The following GPRIN1 variants were observed in gnomAD, a reference collection of about 807,000 sequenced individuals.
GPRIN1 encodes G protein-regulated inducer of neurite outgrowth 1.
GPRIN1 carries 4 observed loss-of-function variants against 2.8 expected under a neutral mutation model. The ratio of observed to expected loss-of-function variants is 1.45; its 90% confidence interval spans 0.71 to 3.32. The LOEUF (loss-of-function observed/expected upper bound fraction) is 3.32, where lower values mean the gene tolerates loss of function less well. Ranked by LOEUF, GPRIN1 falls within the 30% of genes most tolerant of loss-of-function variation. GPRIN1 has a pLI of 0.01. For missense variants in GPRIN1, 1,322 were observed against 1,343.4 expected (o/e 0.98, Z 0.25); for synonymous variants, 589 against 589.9 (o/e 1.00, Z 0.02).
intron 1 of GPRIN1, among the ~76,000 whole-genome samples, chr5:176,603,794 G>C (rs1287030633): frequency 6.6e-6 from 1 of 152,220 alleles, no homozygotes; most frequent in Non-Finnish European, 1.5e-5. Flanking sequence ...TCAGATTTGA[G>C]TGGCGTGAAT....
At chr5:176,607,901 CTCTTTTTTTTTTTTTTT>C (rs1349169941) in intron 1 of GPRIN1, among the ~76,000 whole-genome samples, 2 of 95,906 alleles carry the variant, frequency 2.1e-5, no homozygotes, top group African/African-American at 7.5e-5. Flanking sequence ...TGACACTTGG[CTCTTTTTTTTTTTTTTT>C]TTTTTTTTTT....
rs375819814 is a variant in GPRIN1 at position 176,596,832 on chromosome 5, C to A, written c.3003G>T (p.Ser1001=). ...ATCACTCGGCCGTGGGTCCCGCCCG[C>A]GAGCAGCACCGCGGCCGGCGCACAC... is the stretch of plus-strand genomic sequence containing the variant. ...LQSVRRPRCC[S]RAGPTAE is the part of the protein sequence containing the mutation. Residue 1001 remains serine, a synonymous_variant, in exon 2 of 2, where the codon TCG becomes TCT. Transcript: ENST00000303991. This position sits in a 1 kb window ranked among gnomAD's most constrained non-coding sequence, Gnocchi z 5.2. 1.0e-4 allele frequency: 148 copies of A among 1,410,258 alleles called. No homozygotes were observed. The highest frequency in any genetic ancestry group is 1.3e-4 in the Non-Finnish European group (141 of 1,079,576). The allele number at this position is 1,410,258 out of a possible 1,614,324, so 87.4% of individuals were successfully genotyped here. A position where few individuals can be genotyped will look rare whatever the true frequency, so the allele number is the denominator to read the frequency against.
chr5:176,607,347 T>C (rs953269076), intron 1 of GPRIN1, among the ~76,000 whole-genome samples: 4 of 152,166 alleles, frequency 2.6e-5, no homozygotes, highest in Non-Finnish European at 4.4e-5. Context: ...GCACGCTCAC[T>C]GTCTTTCTTT....
chr5:176,598,575 A>G lies in GPRIN1; in HGVS notation c.1260T>C (p.Ser420=). The change falls in exon 2 of 2, where the codon TCT becomes TCC. Residue 420 remains serine (S), a synonymous_variant. Transcript: ENST00000303991. ...AGCACATGGGGTCCATCTTTCCCAG[A>G]GAAACTGGATCCACCTTGCCTGAAG... is the stretch of plus-strand genomic sequence containing the variant. ...PMSSGKVDPV[S]LGKMDPMCSG... is the part of the protein sequence containing the mutation. 1 of 1,614,100 alleles carries G rather than the reference A, an allele frequency of 6.2e-7. No homozygotes were observed. The highest frequency in any genetic ancestry group is 8.5e-7 in the Non-Finnish European group (1 of 1,180,030).
rs778986810 is a variant in GPRIN1, at chr5:176,597,839, C to G, written c.1996G>C (p.Ala666Pro). 51 of 1,612,838 alleles carry G rather than the reference C, an allele frequency of 3.2e-5. No individual in the cohort carries two copies. Among genetic ancestry groups the G allele is most frequent in the Non-Finnish European group, 4.3e-5 (51 of 1,179,596 alleles). The change falls in exon 2 of 2, where the codon GCC (alanine) becomes CCC (proline). Residue 666 changes from alanine to proline, a missense_variant. Ala to Pro is a conservative substitution (Grantham distance 27). Transcript: ENST00000303991. This position sits in a 1 kb window ranked among gnomAD's most constrained non-coding sequence, Gnocchi z 6.1. ...AVCLKKETPQASEKVDPGSCR... is the reference protein window; with the variant it reads ...AVCLKKETPQPSEKVDPGSCR... ...GATCCAGGATCCACCTTCTCTGAGG[C>G]CTGTGGTGTCTCCTTTTTCAAACAC...
At position 176,596,608 on chromosome 5, in the gene GPRIN1, G is replaced by A. The variant is rs969943572; in HGVS notation, c.*200C>T. ...CAGGGCTGGCCGGGTTCGTGGCCTC[G>A]TGGCCACGAGGGAGCTTGGTAGAAG... On this transcript the variant is annotated 3_prime_UTR_variant, in exon 2 of 2. Coordinates refer to ENST00000303991, the MANE Select transcript of GPRIN1 (RefSeq NM_052899.3). The surrounding 1 kb of genome is among the most constrained non-coding windows in gnomAD (Gnocchi z 5.2). The A allele has an allele frequency of 1.2e-5, 4 of 341,708 alleles. No homozygotes were observed. Among genetic ancestry groups the A allele is most frequent in the Middle Eastern group, 1.6e-3 (2 of 1,252 alleles). 21.2% of individuals were successfully genotyped at this position (341,708 alleles called of 1,614,324 possible). A position where few individuals can be genotyped will look rare whatever the true frequency, so the allele number is the denominator to read the frequency against.
rs1324365565 is a variant in GPRIN1, at chr5:176,598,349, C to T, written c.1486G>A (p.Asp496Asn). Reference sequence around the variant, plus strand: ...CCTGCTGTCCCCAAGGACCTGGGATCGCCTGGACCTGAAGACACAGGGTTT... The same window carrying T: ...CCTGCTGTCCCCAAGGACCTGGGATTGCCTGGACCTGAAGACACAGGGTTT... ...KTNPVSSGPG[D>N]PRSLGTAGPP... Residue 496 changes from aspartate to asparagine, a missense_variant, in exon 2 of 2, where the codon GAT (aspartate) becomes AAT (asparagine). This residue lies in a region of GPRIN1 where 1,117 missense variants were observed against 1,128.6 expected (regional missense o/e 0.99). Transcript: ENST00000303991. 4.3e-6 allele frequency: 7 copies of T among 1,613,574 alleles called. No homozygotes were observed. The highest frequency in any genetic ancestry group is 1.1e-5 in the South Asian group (1 of 91,064).
At position 176,597,179 on chromosome 5, in the gene GPRIN1, AGGCG is replaced by A; in HGVS notation, c.2652_2655del (p.Ala885SerfsTer16). ...CCGGGCCGCACCCGCACTTCGGGGAAGGCGGGCGGCGCGGCGGCTTGAGGTGTCA... is the reference window on the plus strand; with the variant it reads ...CCGGGCCGCACCCGCACTTCGGGGAAGGCGGCGCGGCGGCTTGAGGTGTCA... On this transcript the variant is annotated frameshift_variant, in exon 2 of 2. Transcript: ENST00000303991. LOFTEE classifies it low-confidence loss of function (END_TRUNC). This position sits in a 1 kb window ranked among gnomAD's most constrained non-coding sequence, Gnocchi z 6.1. The A allele has an allele frequency of 7.4e-7, 1 of 1,345,158 alleles. No homozygotes were observed. Among genetic ancestry groups the A allele is most frequent in the East Asian group, 2.9e-5 (1 of 34,976 alleles). The allele number at this position is 1,345,158 out of a possible 1,614,324, so 83.3% of individuals were successfully genotyped here. A position where few individuals can be genotyped will look rare whatever the true frequency, so the allele number is the denominator to read the frequency against.
chr5:176,597,216 A>T lies in GPRIN1; in HGVS notation c.2619T>A (p.Thr873=), dbSNP rs754653113. ...CGGCGGCTTGAGGTGTCATGGGCCC[A>T]GTGGCCACGGAGCGCGTCTCGGCGG... ...LGAAETRSVA[T]GPMTPQAAAP... The change falls in exon 2 of 2, where the codon ACT becomes ACA. Residue 873 remains threonine (T), a synonymous_variant. Transcript: ENST00000303991. This position sits in a 1 kb window ranked among gnomAD's most constrained non-coding sequence, Gnocchi z 6.1. The T allele has an allele frequency of 5.5e-6, 7 of 1,273,718 alleles. No individual in the cohort carries two copies. The Admixed American group carries it at 2.8e-4, about 51-fold the overall frequency. 78.9% of individuals were successfully genotyped at this position (1,273,718 alleles called of 1,614,324 possible).
At chr5:176,606,253 G>A (rs1759218863) in intron 1 of GPRIN1, among the ~76,000 whole-genome samples, 1 of 152,176 alleles carries the variant, frequency 6.6e-6, no homozygotes, top group Admixed American at 6.5e-5. Flanking sequence ...GCTGGGCTGT[G>A]TCTGTGGAAG....
Position 176,607,903 on chromosome 5 carries a change from C to CTTTTTTTT in GPRIN1, c.-44+2088_-44+2095dup, listed in dbSNP as rs35368228. 3.4e-4 allele frequency among the ~76,000 whole-genome samples: 23 copies of CTTTTTTTT among 67,378 alleles called. 6 individuals carry two copies. The highest frequency in any genetic ancestry group is 4.4e-4 in the Non-Finnish European group (17 of 38,278). The allele number at this position is 67,378 out of a possible 152,430, so 44.2% of individuals were successfully genotyped here. A position where few individuals can be genotyped will look rare whatever the true frequency, so the allele number is the denominator to read the frequency against. The stretch of plus-strand genomic sequence containing the variant: ...AGATCGTGGACACTGACACTTGGCT[C>CTTTTTTTT]TTTTTTTTTTTTTTTTTTTTTTTTT... On this transcript the variant is annotated intron_variant, in intron 1 of 1. Coordinates refer to ENST00000303991, the MANE Select transcript of GPRIN1 (RefSeq NM_052899.3).
Position 176,598,190 on chromosome 5 carries a change from C to G in GPRIN1, c.1645G>C (p.Gly549Arg). ...CCCTTGCTCACAGGGTCCTCCTTGC[C>G]CACCGCGAGGGGCTCGGCCTTCCCT... ...ASGKAEPLAV[G>R]KEDPVSKGKA... is the part of the protein sequence containing the mutation. The change falls in exon 2 of 2, where the codon GGC becomes CGC. Residue 549 changes from glycine to arginine, a missense_variant. Transcript: ENST00000303991. 2 of 1,612,570 alleles carry G rather than the reference C, an allele frequency of 1.2e-6. No homozygotes were observed. The highest frequency in any genetic ancestry group is 1.7e-6 in the Non-Finnish European group (2 of 1,179,982).
rs755865937 is a variant in GPRIN1 at position 176,599,330 on chromosome 5, C to T, written c.505G>A (p.Glu169Lys). Residue 169 changes from glutamate to lysine, a missense_variant, in exon 2 of 2, where the codon GAG (glutamate) becomes AAG (lysine). Physicochemically the swap from Glu to Lys is moderately conservative, Grantham distance 56 (BLOSUM62 1). Coordinates refer to ENST00000303991, the MANE Select transcript of GPRIN1 (RefSeq NM_052899.3). ...GCCTTCCGTGAGGACCCAGGATCCTCCTTTCCTATGGAAGTGGAATCGGCC... is the reference window on the plus strand; with the variant it reads ...GCCTTCCGTGAGGACCCAGGATCCTTCTTTCCTATGGAAGTGGAATCGGCC... ...KQADSTSIGK[E>K]DPGSSRKADP... 11 of 1,614,112 alleles carry T rather than the reference C, an allele frequency of 6.8e-6. No homozygotes were observed. The Admixed American group carries it at 1.7e-4, about 24-fold the overall frequency.
chr5:176,600,419 A>G (rs534305138), intron 1 of GPRIN1, among the ~76,000 whole-genome samples: 88 of 152,098 alleles, frequency 5.8e-4, no homozygotes, highest in Middle Eastern at 3.4e-3. Context: ...TAACTTTTCA[A>G]CTTTGCCTAC....
Position 176,599,030 on chromosome 5 carries a change from A to C in GPRIN1, c.805T>G (p.Ser269Ala). 6.2e-7 allele frequency: 1 copy of C among 1,614,202 alleles called. No homozygotes were observed. Among genetic ancestry groups the C allele is most frequent in the Non-Finnish European group, 8.5e-7 (1 of 1,180,028 alleles). The change falls in exon 2 of 2, where the codon TCC (serine) becomes GCC (alanine). Residue 269 changes from serine to alanine, a missense_variant. Ser to Ala is a moderately conservative substitution (Grantham distance 99). Around this residue, in one of 3 missense-constraint regions of GPRIN1, gnomAD observed 1,117 missense variants for 1,128.6 expected, o/e 0.99. Transcript: ENST00000303991. ...PRYSGKEHPV[S>A]SEKVAPTSAE... ...GATGTAGGAGCGACCTTTTCTGAGG[A>C]CACAGGATGCTCTTTTCCTGAATAC...
At position 176,597,171 on chromosome 5, in the gene GPRIN1, T is replaced by C; in HGVS notation, c.2664A>G (p.Glu888=). 2 of 1,369,884 alleles carry C rather than the reference T, an allele frequency of 1.5e-6. No homozygotes were observed. Among genetic ancestry groups the C allele is most frequent in the Non-Finnish European group, 1.9e-6 (2 of 1,059,396 alleles). 84.9% of individuals were successfully genotyped at this position (1,369,884 alleles called of 1,614,324 possible). A position where few individuals can be genotyped will look rare whatever the true frequency, so the allele number is the denominator to read the frequency against. Residue 888 remains glutamate, a synonymous_variant, in exon 2 of 2, where the codon GAA becomes GAG. Coordinates refer to ENST00000303991, the MANE Select transcript of GPRIN1 (RefSeq NM_052899.3). The surrounding 1 kb of genome is among the most constrained non-coding windows in gnomAD (Gnocchi z 6.1). ...PQAAAPPAFP[E]VRVRPGSALA... The stretch of plus-strand genomic sequence containing the variant: ...GCGCTGAGCCGGGCCGCACCCGCAC[T>C]TCGGGGAAGGCGGGCGGCGCGGCGG...
Position 176,597,053 on chromosome 5 carries a change from C to T in GPRIN1, c.2782G>A (p.Ala928Thr), listed in dbSNP as rs1243986293. Residue 928 changes from alanine to threonine, a missense_variant, in exon 2 of 2, where the codon GCC becomes ACC. Physicochemically the swap from Ala to Thr is moderately conservative, Grantham distance 58. Around this residue, in one of 3 missense-constraint regions of GPRIN1, gnomAD observed 196 missense variants for 189.2 expected, o/e 1.04. Coordinates refer to ENST00000303991, the MANE Select transcript of GPRIN1 (RefSeq NM_052899.3). The surrounding 1 kb of genome is among the most constrained non-coding windows in gnomAD (Gnocchi z 6.1). The part of the protein sequence containing the change: ...KGMTWEVYGA[A>T]MEVEVLGMAI... ...ATGCCCAGCACCTCCACCTCCATGGCGGCGCCGTATACCTCCCACGTCATG... is the reference window on the plus strand; with the variant it reads ...ATGCCCAGCACCTCCACCTCCATGGTGGCGCCGTATACCTCCCACGTCATG... The T allele has an allele frequency of 3.3e-6, 5 of 1,507,078 alleles. No individual in the cohort carries two copies. Among genetic ancestry groups the T allele is most frequent in the Admixed American group, 3.8e-5 (2 of 52,670 alleles). The allele number at this position is 1,507,078 out of a possible 1,614,324, so 93.4% of individuals were successfully genotyped here.
At position 176,598,683 on chromosome 5, in the gene GPRIN1, C is replaced by A. The variant is rs981054211; in HGVS notation, c.1152G>T (p.Glu384Asp). ...LGKMDPASSG[E>D]GRPVSGHTDT... ...CCGTGTGGCCAGACACAGGACGCCC[C>A]TCTCCTGAGGAGGCAGGGTCCATCT... Residue 384 changes from glutamate (E) to aspartate (D), a missense_variant, in exon 2 of 2, where the codon GAG becomes GAT. By Grantham distance (45) the Glu-to-Asp change is conservative. Coordinates refer to ENST00000303991, the MANE Select transcript of GPRIN1 (RefSeq NM_052899.3). The A allele has an allele frequency of 6.2e-7, 1 of 1,614,158 alleles. No individual in the cohort carries two copies. Among genetic ancestry groups the A allele is most frequent in the Admixed American group, 1.7e-5 (1 of 60,030 alleles).
chr5:176,605,132 C>T (rs553375694), intron 1 of GPRIN1, among the ~76,000 whole-genome samples: 2 of 139,654 alleles, frequency 1.4e-5, no homozygotes, highest in African/African-American at 5.4e-5. Flanking sequence ...CTTACTCTGT[C>T]ACCCAGGCTG....
Sources: allele counts gnomAD v4.1 joint callset (sites outside exome capture counted in the v4.1 genomes callset), GRCh38; gene constraint gnomAD v4.1.1; regional missense constraint gnomAD v4.1.1; non-coding constraint Gnocchi (gnomAD v3.1); transcripts MANE v1.5; gene names NCBI Gene and HGNC (gene_info 2026-07-23, HGNC 2026-07-21).